Variants in CEMIP observed in about 807,000 individuals in gnomAD.
The protein encoded by CEMIP is cell migration-inducing and hyaluronan-binding protein.
Under a neutral mutation model 156.9 loss-of-function variants are expected in CEMIP, and 105 were observed. The observed-to-expected ratio is 0.67, with a 90% CI of 0.57 to 0.79. The LOEUF is 0.79. CEMIP is among the 30% of genes least tolerant of loss of function. CEMIP has a pLI of 0.00. For synonymous variants in CEMIP, 676 were observed against 668.4 expected (o/e 1.01, Z -0.17); for missense variants, 1,457 against 1,769.4 (o/e 0.82, Z 3.17).
At chr15:80,853,102 T>A (rs1297424676) in intron 1 of CEMIP, among the ~76,000 whole-genome samples, 1 of 152,156 alleles carries the variant, frequency 6.6e-6, no homozygotes, top group Non-Finnish European at 1.5e-5. Context: ...AGGGTAGAAA[T>A]CTATGCAGAA....
At chr15:80,807,723 TAGC>T (rs1318607983) in intron 1 of CEMIP, among the ~76,000 whole-genome samples, 2 of 152,252 alleles carry the variant, frequency 1.3e-5, no homozygotes, top group Non-Finnish European at 2.9e-5. Flanking sequence ...ATCAAAAGGT[TAGC>T]AGCCAGCACA....
intron 25 of CEMIP, among the ~76,000 whole-genome samples, chr15:80,939,335 T>C (rs1368310141): frequency 1.3e-5 from 2 of 152,008 alleles, no homozygotes; most frequent in Non-Finnish European, 2.9e-5. Context: ...TCTCTTCCCA[T>C]GGGAAGAAGT....
chr15:80,895,249 G>T, intron 11 of CEMIP, 127 bp downstream of exon 11: 1 of 1,219,056 alleles, frequency 8.2e-7, no homozygotes, highest in Non-Finnish European at 1.2e-6. Context: ...TTTGTGACAC[G>T]GGAGCAGTGG....
At chr15:80,921,447 G>C (rs995899358) in intron 16 of CEMIP, among the ~76,000 whole-genome samples, 1 of 152,190 alleles carries the variant, frequency 6.6e-6, no homozygotes, top group Non-Finnish European at 1.5e-5. Context: ...TTTGATTTTT[G>C]TAAGAACCCA....
intron 13 of CEMIP, among the ~76,000 whole-genome samples, chr15:80,907,903 AG>A (rs768919143): frequency 1.4e-4 from 21 of 152,348 alleles, no homozygotes; most frequent in Non-Finnish European, 2.4e-4. Context: ...ACGCACTTTA[AG>A]GATAAGACTT....
chr15:80,935,598 G>C (rs1179170225), intron 23 of CEMIP, among the ~76,000 whole-genome samples: 1 of 152,168 alleles, frequency 6.6e-6, no homozygotes, highest in Non-Finnish European at 1.5e-5. Flanking sequence ...AAAACTAGAG[G>C]GGAAGATAAG....
At chr15:80,858,970 C>T (rs72740112) in intron 1 of CEMIP, among the ~76,000 whole-genome samples, 2,668 of 152,326 alleles carry the variant, frequency 0.018, 44 homozygotes, top group Middle Eastern at 0.034. Context: ...GTGCAAGCTT[C>T]ACTCTTAGAG....
intron 16 of CEMIP, 82 bp from the exon 17 acceptor site, chr15:80,921,927 G>T: frequency 6.3e-7 from 1 of 1,591,042 alleles, no homozygotes; most frequent in Non-Finnish European, 8.6e-7. Context: ...ACCCATCTCC[G>T]GCGTGGGCCG....
At chr15:80,908,327 G>A (rs1430487193) in intron 13 of CEMIP, among the ~76,000 whole-genome samples, 1 of 152,136 alleles carries the variant, frequency 6.6e-6, no homozygotes, top group Non-Finnish European at 1.5e-5. Flanking sequence ...GCTCTCCAGG[G>A]CCGCTACTAC....
At chr15:80,878,484 A>G (rs995071709) in intron 3 of CEMIP, among the ~76,000 whole-genome samples, 2 of 152,242 alleles carry the variant, frequency 1.3e-5, no homozygotes, top group East Asian at 3.8e-4. Context: ...TGAACCCAGA[A>G]AAGGGAAGTG....
chr15:80,868,792 C>G (rs1443836792), intron 1 of CEMIP, among the ~76,000 whole-genome samples: 1 of 152,114 alleles, frequency 6.6e-6, no homozygotes, highest in African/African-American at 2.4e-5. Flanking sequence ...GTAAATTCGT[C>G]AATATATGAA....
rs190363709 is a variant in CEMIP at position 80,824,136 on chromosome 15, C to T, written c.-176+44522C>T. Among the ~76,000 whole-genome samples, 292 of 152,216 alleles carry T rather than the reference C, an allele frequency of 1.9e-3. 2 individuals are homozygous for T. Among genetic ancestry groups the T allele is most frequent in the Non-Finnish European group, 1.6e-3 (109 of 68,008 alleles). ...GCTTATCAGCGCAAGTGAGAAAGAC[C>T]GTGAAGGCACACTGGGGGGCCCTGG... On this transcript the variant is annotated intron_variant, in intron 1 of 29. Transcript: ENST00000394685.
chr15:80,942,809 G>A (rs186132850), intron 27 of CEMIP, 136 bp from the exon 28 acceptor site: 1 of 1,015,306 alleles, frequency 9.8e-7, no homozygotes, highest in Non-Finnish European at 1.6e-6. Context: ...GAGGAGTTAA[G>A]TGGATAATGG....
At chr15:80,888,211 A>C (rs34866076) in intron 8 of CEMIP, among the ~76,000 whole-genome samples, 20,201 of 152,020 alleles carry the variant, frequency 0.13, 1,497 homozygotes, top group Non-Finnish European at 0.17. Context: ...AAAATTACAA[A>C]AAAAAAAAGA....
intron 1 of CEMIP, among the ~76,000 whole-genome samples, chr15:80,804,893 G>A (rs1361167795): frequency 2.6e-5 from 4 of 152,136 alleles, no homozygotes; most frequent in East Asian, 1.9e-4. Flanking sequence ...CAACAATAAG[G>A]TTTTGGAAAG....
intron 1 of CEMIP, among the ~76,000 whole-genome samples, chr15:80,859,201 A>T (rs1242948055): frequency 1.3e-5 from 2 of 152,256 alleles, no homozygotes; most frequent in Non-Finnish European, 2.9e-5. Flanking sequence ...CGAGTGGGTC[A>T]GCCCCCATTG....
intron 1 of CEMIP, among the ~76,000 whole-genome samples, chr15:80,799,609 A>G (rs1165959164): frequency 1.3e-5 from 2 of 152,258 alleles, no homozygotes. Context: ...TATCAAAGAC[A>G]TACTTGCACT....
intron 1 of CEMIP, among the ~76,000 whole-genome samples, chr15:80,801,454 C>T (rs1365670984): frequency 2.0e-5 from 3 of 152,204 alleles, no homozygotes; most frequent in Non-Finnish European, 4.4e-5. Context: ...GTGACTGATG[C>T]TGTTCTGTGA....
At chr15:80,940,207 A>G (rs1053039257) in intron 25 of CEMIP, among the ~76,000 whole-genome samples, 3 of 152,172 alleles carry the variant, frequency 2.0e-5, no homozygotes, top group African/African-American at 7.2e-5. Context: ...TGCTCCTTTC[A>G]TGCCTTCCAG....
Sources: allele counts gnomAD v4.1 joint callset (sites outside exome capture counted in the v4.1 genomes callset), GRCh38; gene constraint gnomAD v4.1.1; transcripts MANE v1.5; gene names NCBI Gene and HGNC (gene_info 2026-07-23, HGNC 2026-07-21).